Variants in TNS1 observed in about 807,000 individuals in gnomAD.
TNS1 encodes tensin 1, also known as tensin-1.
A neutral mutation model predicts 168.6 loss-of-function variants in TNS1; 62 were observed. The observed-to-expected ratio is 0.37, with a 90% CI of 0.30 to 0.45. TNS1 has a LOEUF of 0.45. Among genes scored for constraint, TNS1 ranks in the 20% least tolerant of loss-of-function variants. TNS1 has a pLI of 1.00. For synonymous variants in TNS1, 934 were observed against 933.2 expected, an observed-to-expected ratio of 1.00 and a Z score of -0.02; for missense variants, 2,240 against 2,339.4, an observed-to-expected ratio of 0.96 and a Z score of 0.88.
exon 1 of TNS1, chr2:218,010,340 C>T (rs887885573): frequency 7.6e-6 from 3 of 395,416 alleles, no homozygotes; most frequent in Non-Finnish European, 1.3e-5. Flanking sequence ...GGCTCAGCCC[C>T]GGAGGAGCAG....
chr2:217,877,597 C>G (rs1559284848), intron 18 of TNS1, among the ~76,000 whole-genome samples: 1 of 152,224 alleles, frequency 6.6e-6, no homozygotes, highest in Non-Finnish European at 1.5e-5. Flanking sequence ...CTTCAGAGAA[C>G]AGAAATTCAA....
At chr2:217,850,354 T>C in intron 18 of TNS1, 1 of 985,196 alleles carries the variant, frequency 1.0e-6, no homozygotes. Flanking sequence ...GGGAAGCGTC[T>C]TAGGGATCGT....
At chr2:218,014,579 C>A (rs182445264), upstream of TNS1, among the ~76,000 whole-genome samples, 570 of 152,322 alleles carry the variant, frequency 3.7e-3, 9 homozygotes, top group Admixed American at 2.0e-3. Flanking sequence ...GACTCTGTGT[C>A]AATGACTCCT....
intron 25 of TNS1, 120 bp downstream of exon 25, chr2:217,814,792 C>G (rs1179651439): frequency 1.3e-6 from 1 of 757,470 alleles, no homozygotes; most frequent in Non-Finnish European, 2.2e-6. Context: ...ACCCCAGCCC[C>G]CTCTGTGATG....
intron 18 of TNS1, among the ~76,000 whole-genome samples, chr2:217,856,537 T>G (rs1948156947): frequency 6.6e-6 from 1 of 152,128 alleles, no homozygotes; most frequent in Non-Finnish European, 1.5e-5. Context: ...TCTGAAGATC[T>G]GCAGAATTAG....
chr2:217,920,120 T>C, intron 4 of TNS1, 75 bp downstream of exon 4: 1 of 702,788 alleles, frequency 1.4e-6, no homozygotes, highest in African/African-American at 1.7e-5. Context: ...TATTTGGGTC[T>C]AAAGAAAGCT....
chr2:218,026,652 T>A (rs1056427648), intron 1 of TNS1, among the ~76,000 whole-genome samples: 1 of 152,192 alleles, frequency 6.6e-6, no homozygotes, highest in Admixed American at 6.5e-5. Flanking sequence ...ACACTCCGTA[T>A]CCCTACCTCC....
rs1468075056 is a variant in TNS1, at chr2:217,893,372, ACACACACATGTGCGCATGTGCGCGCGCG to A, written c.717+39_717+66del. On this transcript the variant is annotated intron_variant, in intron 10 of 32. Coordinates refer to ENST00000682258, the MANE Select transcript of TNS1 (RefSeq NM_001387777.1). Reference sequence around the variant, plus strand: ...CAATCATCCAAGGACACATTCAGGCACACACACATGTGCGCATGTGCGCGCGCGCACACACACACACACACACACACAC... The same window carrying A: ...CAATCATCCAAGGACACATTCAGGCACACACACACACACACACACACACAC... 7.6e-4 allele frequency: 1,149 copies of A among 1,515,898 alleles called. 4 individuals are homozygous for A. The African/African-American group carries it at 0.011, about 14-fold the overall frequency. 93.9% of individuals were successfully genotyped at this position (1,515,898 alleles called of 1,614,324 possible).
chr2:217,930,053 G>A (rs541190020), intron 3 of TNS1, among the ~76,000 whole-genome samples: 3 of 152,284 alleles, frequency 2.0e-5, no homozygotes, highest in South Asian at 2.1e-4. Flanking sequence ...CAGGCCCTTC[G>A]GGACCTGGCT....
At chr2:217,816,649 C>T (rs1297592442) in intron 24 of TNS1, among the ~76,000 whole-genome samples, 1 of 152,176 alleles carries the variant, frequency 6.6e-6, no homozygotes, top group Non-Finnish European at 1.5e-5. Flanking sequence ...CCTGTGTTGA[C>T]TCCAAAGGCT....
chr2:217,964,827 T>C (rs1385266050), intron 3 of TNS1, among the ~76,000 whole-genome samples: 6 of 152,192 alleles, frequency 3.9e-5, no homozygotes, highest in Admixed American at 2.6e-4. Context: ...AGGGGGTTAA[T>C]CTGTGACTCG....
intron 2 of TNS1, among the ~76,000 whole-genome samples, chr2:217,989,565 G>A (rs1435489291): frequency 6.6e-6 from 1 of 152,132 alleles, no homozygotes; most frequent in Non-Finnish European, 1.5e-5. Context: ...AGCTCCTGCT[G>A]ATTTCACTGT....
chr2:218,003,326 G>T (rs1002657882), upstream of TNS1, among the ~76,000 whole-genome samples: 1 of 152,048 alleles, frequency 6.6e-6, no homozygotes, highest in Non-Finnish European at 1.5e-5. Flanking sequence ...ACCAGCCTGG[G>T]GGCCTTCACT....
At chr2:218,015,994 C>T (rs909380466) in intron 1 of TNS1, among the ~76,000 whole-genome samples, 1 of 151,690 alleles carries the variant, frequency 6.6e-6, no homozygotes. Flanking sequence ...TCTGATGGAA[C>T]TAGGAGAGAG....
intron 18 of TNS1, among the ~76,000 whole-genome samples, chr2:217,874,588 G>C (rs1310178104): frequency 2.0e-5 from 3 of 152,188 alleles, no homozygotes; most frequent in Non-Finnish European, 4.4e-5. Context: ...TCCCAGAACA[G>C]AGCCAGCTAT....
intron 8 of TNS1, 135 bp downstream of exon 8, chr2:217,897,663 G>A (rs1952461215): frequency 1.0e-6 from 1 of 968,054 alleles, no homozygotes; most frequent in Non-Finnish European, 1.5e-6. Flanking sequence ...GCTGCCTGAG[G>A]GGAAAGGCAG....
At chr2:217,825,797 G>A (rs578024736) in intron 22 of TNS1, among the ~76,000 whole-genome samples, 1 of 152,314 alleles carries the variant, frequency 6.6e-6, no homozygotes, top group South Asian at 2.1e-4. Context: ...ATGGGACAGT[G>A]TATTAGAAAC....
At chr2:217,809,259 G>A (rs1326027546) in intron 30 of TNS1, among the ~76,000 whole-genome samples, 109 of 83,152 alleles carry the variant, frequency 1.3e-3, no homozygotes, top group African/African-American at 1.7e-3. Flanking sequence ...ATGCATGGAT[G>A]GATGGATGGA....
chr2:217,921,039 G>C (rs1055223878), intron 3 of TNS1, among the ~76,000 whole-genome samples: 1 of 151,334 alleles, frequency 6.6e-6, no homozygotes, highest in Non-Finnish European at 1.5e-5. Flanking sequence ...GGGAGGAGGA[G>C]AGTAGAGGGG....
Sources: gnomAD v4.1 joint callset for allele counts (sites outside exome capture counted in the v4.1 genomes callset) on GRCh38, gnomAD v4.1.1 for gene constraint, MANE v1.5 for transcripts, NCBI Gene and HGNC (gene_info 2026-07-23, HGNC 2026-07-21) for gene names.